NECTIN1: variants seen among roughly 807,000 people sequenced by gnomAD.
NECTIN1 encodes nectin-1.
A neutral mutation model predicts 48.0 loss-of-function variants in NECTIN1; 23 were observed. That is an observed-to-expected ratio of 0.48 (90% CI 0.34 to 0.68). NECTIN1 has a LOEUF of 0.68. Ranked by LOEUF, NECTIN1 falls within the 30% of genes least tolerant of loss-of-function variation. The pLI is 0.01. For synonymous variants in NECTIN1, 270 were observed against 288.9 expected (o/e 0.93, Z 0.66); for missense variants, 591 against 709.9 (o/e 0.83, Z 1.90).
intron 1 of NECTIN1, among the ~76,000 whole-genome samples, chr11:119,714,842 G>A (rs1865720591): frequency 6.6e-6 from 1 of 152,186 alleles, no homozygotes; most frequent in Non-Finnish European, 1.5e-5. Context: ...TGGGACAGCT[G>A]TGGTGGCTGG....
At chr11:119,670,854 G>C (rs1209902066) in intron 5 of NECTIN1, among the ~76,000 whole-genome samples, 5 of 151,762 alleles carry the variant, frequency 3.3e-5, no homozygotes, top group Admixed American at 3.3e-4. Flanking sequence ...GGCCAGGCTG[G>C]TCTCGAACTC....
At chr11:119,708,308 G>A (rs1865581536) in intron 1 of NECTIN1, among the ~76,000 whole-genome samples, 1 of 152,056 alleles carries the variant, frequency 6.6e-6, no homozygotes, top group Admixed American at 6.5e-5. Context: ...CGAAAGCACT[G>A]GATATGTGGG....
Position 119,684,335 on chromosome 11 carries a change from A to G in NECTIN1, c.80-5570T>C, listed in dbSNP as rs1591463800. Among the ~76,000 whole-genome samples, 1 of 152,144 alleles carries G rather than the reference A, an allele frequency of 6.6e-6. No homozygotes were observed. Among genetic ancestry groups the G allele is most frequent in the Admixed American group, 6.5e-5 (1 of 15,288 alleles). On this transcript the variant is annotated intron_variant, in intron 1 of 5. Coordinates refer to ENST00000264025, the MANE Select transcript of NECTIN1 (RefSeq NM_002855.5). This position sits in a 1 kb window ranked among gnomAD's most constrained non-coding sequence, Gnocchi z 5.2. ...CCTGGGGGCCTTGAAGTGGCTGGGC[A>G]GGGGCAGCCAACTTGGCCTGGAGTA...
Position 119,677,574 on chromosome 11 carries a change from G to T in NECTIN1, c.714C>A (p.Ser238Arg). The T allele has an allele frequency of 6.2e-7, 1 of 1,612,730 alleles. No homozygotes were observed. Among genetic ancestry groups the T allele is most frequent in the Non-Finnish European group, 8.5e-7 (1 of 1,180,026 alleles). Reference protein sequence around the residue: ...VNYHMDRFKESLTLNVQYEPE... With the variant: ...VNYHMDRFKERLTLNVQYEPE... ...GCTCACACTGCACGTTGAGAGTGAG[G>T]CTTTCCTTGAAGCGGTCCATGTGGT... is the stretch of plus-strand genomic sequence containing the variant. Residue 238 changes from serine (S) to arginine (R), a missense_variant, in exon 3 of 6, where the codon AGC (serine) becomes AGA (arginine). Coordinates refer to ENST00000264025, the MANE Select transcript of NECTIN1 (RefSeq NM_002855.5). This position sits in a 1 kb window ranked among gnomAD's most constrained non-coding sequence, Gnocchi z 5.4.
intron 1 of NECTIN1, among the ~76,000 whole-genome samples, chr11:119,688,137 C>T (rs549727486): frequency 6.6e-6 from 1 of 152,286 alleles, no homozygotes; most frequent in African/African-American, 2.4e-5. Context: ...GTGCATTAAT[C>T]TCTCCATGCC....
intron 1 of NECTIN1, among the ~76,000 whole-genome samples, chr11:119,680,150 A>G (rs1865033033): frequency 6.6e-6 from 1 of 152,200 alleles, no homozygotes; most frequent in Non-Finnish European, 1.5e-5. Flanking sequence ...CAGTCTCCAC[A>G]TGGGTTGTGT....
At chr11:119,705,632 C>A (rs1865535027) in intron 1 of NECTIN1, among the ~76,000 whole-genome samples, 1 of 152,182 alleles carries the variant, frequency 6.6e-6, no homozygotes, top group South Asian at 2.1e-4. Context: ...AGGCCTCTCC[C>A]CTGAGCTGGA....
Position 119,661,033 on chromosome 11 carries a change from T to A in NECTIN1, c.*3714A>T, listed in dbSNP as rs146163519. ...TATTTATAAAAAAGTACATTTTTAA[T>A]CCTCAGTACATTTTCAACCCATCAT... On this transcript the variant is annotated 3_prime_UTR_variant, in exon 6 of 6. Coordinates refer to ENST00000264025, the MANE Select transcript of NECTIN1 (RefSeq NM_002855.5). The A allele has an allele frequency of 8.6e-4, 844 of 981,200 alleles. 2 individuals are homozygous for A. The African/African-American group carries it at 0.011, about 13-fold the overall frequency. 60.8% of individuals were successfully genotyped at this position (981,200 alleles called of 1,614,324 possible). A position where few individuals can be genotyped will look rare whatever the true frequency, so the allele number is the denominator to read the frequency against.
chr11:119,703,283 C>T (rs536265772), intron 1 of NECTIN1, among the ~76,000 whole-genome samples: 1 of 152,366 alleles, frequency 6.6e-6, no homozygotes, highest in East Asian at 1.9e-4. Context: ...CCTGGCCCCA[C>T]TCTGTGTCCC....
intron 5 of NECTIN1, chr11:119,640,835 C>T (rs529197582): frequency 1.1e-4 from 16 of 152,350 alleles, no homozygotes; most frequent in African/African-American, 3.6e-4. Context: ...ACGACCCCAG[C>T]GTGGAGTGGG....
intron 1 of NECTIN1, among the ~76,000 whole-genome samples, chr11:119,681,666 A>G (rs1865062504): frequency 4.6e-5 from 7 of 152,164 alleles, no homozygotes. Flanking sequence ...CTCACCAGGC[A>G]GGGGCAGCCC....
rs1565407673 is a variant in NECTIN1 at position 119,728,554 on chromosome 11, C to CGGGGGCCG, written c.-9_-2dup. ...CGCCCGCAAGCCCCATCCGAGCCAT[C>CGGGGGCCG]GGGGGCCGGGGGTCCGGCGAGAGGG... On this transcript the variant is annotated 5_prime_UTR_variant, in exon 1 of 6. Transcript: ENST00000264025. The CGGGGGCCG allele has an allele frequency of 1.6e-5, 25 of 1,570,794 alleles. No homozygotes were observed. The South Asian group carries it at 2.9e-4, about 18-fold the overall frequency.
intron 1 of NECTIN1, among the ~76,000 whole-genome samples, chr11:119,697,052 G>A (rs903330672): frequency 2.6e-5 from 4 of 152,108 alleles, no homozygotes; most frequent in Non-Finnish European, 2.9e-5. Context: ...GGCAGAGGCC[G>A]GGCCTGGGAG....
At chr11:119,681,287 C>T (rs917599054) in intron 1 of NECTIN1, among the ~76,000 whole-genome samples, 2 of 152,244 alleles carry the variant, frequency 1.3e-5, no homozygotes, top group Admixed American at 6.5e-5. Context: ...AAGCTAGGAA[C>T]AGGAAAAGCC....
intron 1 of NECTIN1, among the ~76,000 whole-genome samples, chr11:119,686,931 CCA>C (rs1269657612): frequency 2.6e-4 from 39 of 152,266 alleles, no homozygotes; most frequent in Middle Eastern, 6.8e-3. Context: ...CACAGGGGGC[CCA>C]AGTGGCAGGT....
At chr11:119,645,789 C>A (rs1285169242) in intron 5 of NECTIN1, among the ~76,000 whole-genome samples, 1 of 152,216 alleles carries the variant, frequency 6.6e-6, no homozygotes, top group East Asian at 1.9e-4. Context: ...GGACATACCC[C>A]TCTCCTCCTC....
intron 1 of NECTIN1, among the ~76,000 whole-genome samples, chr11:119,710,591 C>T (rs1865626518): frequency 6.6e-6 from 1 of 152,078 alleles, no homozygotes; most frequent in African/African-American, 2.4e-5. Context: ...CAAGAGGTGT[C>T]CCACAGGAGG....
In NECTIN1 at chr11:119,664,457, C is replaced by T. The variant is rs1864725039; in HGVS notation, c.*290G>A. On this transcript the variant is annotated 3_prime_UTR_variant, in exon 6 of 6. Transcript: ENST00000264025. ...AGGTACACAAGACGAGAACAGGGCT[C>T]CCTACACAGAGGGCAGGCAGGTGGG... is the stretch of plus-strand genomic sequence containing the variant. 6.3e-6 allele frequency: 8 copies of T among 1,265,312 alleles called. No individual in the cohort carries two copies. Among genetic ancestry groups the T allele is most frequent in the African/African-American group, 1.5e-5 (1 of 66,370 alleles). 78.4% of individuals were successfully genotyped at this position (1,265,312 alleles called of 1,614,324 possible).
At chr11:119,674,024 A>C (rs1474221587) in intron 5 of NECTIN1, among the ~76,000 whole-genome samples, 2 of 152,280 alleles carry the variant, frequency 1.3e-5, no homozygotes, top group Non-Finnish European at 1.5e-5. Context: ...CAGACCCTGG[A>C]CAACTTCACG....
Sources: gnomAD v4.1 joint callset for allele counts (sites outside exome capture counted in the v4.1 genomes callset) on GRCh38, gnomAD v4.1.1 for gene constraint, Gnocchi (gnomAD v3.1) non-coding constraint, MANE v1.5 for transcripts, NCBI Gene and HGNC (gene_info 2026-07-23, HGNC 2026-07-21) for gene names.